The following ECE1 variants were observed in gnomAD, a reference collection of about 807,000 sequenced individuals.
The protein encoded by ECE1 is endothelin-converting enzyme 1.
A neutral mutation model predicts 98.6 loss-of-function variants in ECE1; 35 were observed. The observed-to-expected ratio is 0.35, with a 90% CI of 0.27 to 0.47. The LOEUF (loss-of-function observed/expected upper bound fraction) is 0.47. Among genes scored for constraint, ECE1 ranks in the 20% least tolerant of loss-of-function variants. ECE1 has a pLI of 1.00. For missense variants in ECE1, 814 were observed against 1,025.3 expected (o/e 0.79, Z 2.81); for synonymous variants, 394 against 407.1 (o/e 0.97, Z 0.39).
Position 21,345,336 on chromosome 1 carries a change from C to A in ECE1, c.3+40G>T. ...GCACCGCTGCCCGCGACCGTCGAGG[C>A]TGGGCTGGACCGGACCAGACCTCCG... On this transcript the variant is annotated intron_variant, in intron 1 of 18. Transcript: ENST00000415912. The surrounding 1 kb of genome is among the most constrained non-coding windows in gnomAD (Gnocchi z 5.1). The A allele has an allele frequency of 7.4e-7, 1 of 1,354,788 alleles. No individual in the cohort carries two copies. Among genetic ancestry groups the A allele is most frequent in the African/African-American group, 1.5e-5 (1 of 66,504 alleles). 83.9% of individuals were successfully genotyped at this position (1,354,788 alleles called of 1,614,324 possible). A position where few individuals can be genotyped will look rare whatever the true frequency, so the allele number is the denominator to read the frequency against.
chr1:21,304,041 C>T (rs1312503234), intron 1 of ECE1, among the ~76,000 whole-genome samples: 5 of 149,574 alleles, frequency 3.3e-5, no homozygotes, highest in African/African-American at 7.4e-5. Context: ...AAGGGCCGGG[C>T]GCAGTGGCTC....
intron 2 of ECE1, chr1:21,279,828 C>T: frequency 1.6e-6 from 1 of 614,202 alleles, no homozygotes; most frequent in Non-Finnish European, 2.1e-6. Context: ...ACACGCGAGC[C>T]ACCTTGTTAT....
chr1:21,251,749 C>A (rs944076658), intron 8 of ECE1, among the ~76,000 whole-genome samples: 2 of 152,168 alleles, frequency 1.3e-5, no homozygotes, highest in African/African-American at 4.8e-5. Context: ...GAGGAACCAG[C>A]TCTGGGACCT....
At chr1:21,265,498 C>A (rs2098232795) in intron 4 of ECE1, among the ~76,000 whole-genome samples, 1 of 152,202 alleles carries the variant, frequency 6.6e-6, no homozygotes, top group Admixed American at 6.5e-5. Context: ...CGCCACTGTA[C>A]TCCAGCCTGG....
rs192429647 is a variant in ECE1 at position 21,307,643 on chromosome 1, G to A, written c.4-17487C>T. Among the ~76,000 whole-genome samples the A allele has an allele frequency of 1.3e-3, 202 of 152,294 alleles. 1 individual carries two copies. Among genetic ancestry groups the A allele is most frequent in the African/African-American group, 4.6e-3 (193 of 41,560 alleles). Reference sequence around the variant, plus strand: ...ATTTGTCCCCACTGGGTCTGGGGCTGGGGCTTCTTTGTACCTCTGAGGTAC... The same window carrying A: ...ATTTGTCCCCACTGGGTCTGGGGCTAGGGCTTCTTTGTACCTCTGAGGTAC... On this transcript the variant is annotated intron_variant, in intron 1 of 18. Coordinates refer to the ECE1 transcript ENST00000415912. This position sits in a 1 kb window ranked among gnomAD's most constrained non-coding sequence, Gnocchi z 4.2.
intron 2 of ECE1, among the ~76,000 whole-genome samples, chr1:21,282,943 T>A (rs112522819): frequency 5.2e-4 from 76 of 147,088 alleles, no homozygotes; most frequent in East Asian, 2.0e-3. Flanking sequence ...CATTATTTTT[T>A]TTTTTTTTTT....
chr1:21,267,673 A>C (rs1368233331), intron 4 of ECE1, among the ~76,000 whole-genome samples: 2 of 152,194 alleles, frequency 1.3e-5, no homozygotes, highest in African/African-American at 4.8e-5. Context: ...ACAGACTAAG[A>C]ATCAATCAAT....
At chr1:21,248,986 C>A (rs1461344369) in intron 8 of ECE1, among the ~76,000 whole-genome samples, 1 of 152,086 alleles carries the variant, frequency 6.6e-6, no homozygotes, top group Non-Finnish European at 1.5e-5. Flanking sequence ...CCAGCTGGTG[C>A]TTTCCCCACG....
At chr1:21,222,196 A>G (rs552044997) in intron 17 of ECE1, 2 of 318,020 alleles carry the variant, frequency 6.3e-6, no homozygotes, top group East Asian at 1.5e-4. Context: ...ACATACACAC[A>G]ACTTTTCCCA....
rs749018165 is a variant in ECE1 at position 21,279,393 on chromosome 1, G to A, written c.139-61C>T. 3.1e-6 allele frequency: 5 copies of A among 1,613,092 alleles called. No individual in the cohort carries two copies. In the Admixed American group the frequency reaches 8.3e-5, roughly 27 times the overall value. On this transcript the variant is annotated intron_variant, in intron 2 of 18. Transcript: ENST00000374893. The stretch of plus-strand genomic sequence containing the variant: ...TGAGCCCCGGGCCCCGCTTCCCTTG[G>A]AGGAAGGGGTTCCGCTGCAGGCCCA...
chr1:21,292,979 G>A (rs942316147), upstream of ECE1, among the ~76,000 whole-genome samples: 3 of 152,154 alleles, frequency 2.0e-5, no homozygotes, highest in Admixed American at 6.5e-5. Flanking sequence ...GTTACACTAC[G>A]TTACCAGGTG....
intron 1 of ECE1, among the ~76,000 whole-genome samples, chr1:21,314,462 T>G (rs181518638): frequency 6.6e-6 from 1 of 152,272 alleles, no homozygotes; most frequent in Admixed American, 6.5e-5. Flanking sequence ...AGGAACAACT[T>G]TTCTTTTCTT....
Position 21,233,710 on chromosome 1 carries a change from C to T in ECE1, c.1567-49G>A. On this transcript the variant is annotated intron_variant, in intron 13 of 18. Transcript: ENST00000374893. The surrounding 1 kb of genome is among the most constrained non-coding windows in gnomAD (Gnocchi z 4.0). ...ATCACAGTGTGCCCTCGGTGGTGTG[C>T]ATCTTCCAAGACAGGAAGCCAAGGG... The T allele has an allele frequency of 6.4e-7, 1 of 1,565,328 alleles. No homozygotes were observed. The highest frequency in any genetic ancestry group is 8.8e-7 in the Non-Finnish European group (1 of 1,138,166).
intron 14 of ECE1, among the ~76,000 whole-genome samples, chr1:21,229,188 T>C (rs1027242008): frequency 6.6e-6 from 1 of 152,054 alleles, no homozygotes; most frequent in Non-Finnish European, 1.5e-5. Context: ...AGACTTTTTT[T>C]TTTTTCTTTT....
intron 2 of ECE1, among the ~76,000 whole-genome samples, chr1:21,283,900 A>G (rs749076125): frequency 1.7e-4 from 26 of 152,222 alleles, no homozygotes; most frequent in Non-Finnish European, 3.2e-4. Context: ...GACTTGTACT[A>G]TCGGCTACGG....
intron 10 of ECE1, among the ~76,000 whole-genome samples, chr1:21,242,559 G>A (rs1055144091): frequency 6.6e-6 from 1 of 152,150 alleles, no homozygotes; most frequent in African/African-American, 2.4e-5. Flanking sequence ...TTGGGGAGTG[G>A]GGAGGGCTGG....
intron 8 of ECE1, among the ~76,000 whole-genome samples, chr1:21,247,696 C>T (rs887229625): frequency 7.2e-5 from 11 of 152,140 alleles, no homozygotes; most frequent in Middle Eastern, 3.2e-3. Context: ...GGTCCTCACG[C>T]GAGTCCAAGC....
chr1:21,227,258 G>A, intron 15 of ECE1, 32 bp from the exon 16 acceptor site: 1 of 1,603,596 alleles, frequency 6.2e-7, no homozygotes, highest in Non-Finnish European at 8.5e-7. Flanking sequence ...TAGAGATGAT[G>A]CTTTGAGAGG....
At chr1:21,309,782 CTT>C (rs1223419250) in intron 1 of ECE1, among the ~76,000 whole-genome samples, 30 of 130,092 alleles carry the variant, frequency 2.3e-4, no homozygotes, top group South Asian at 9.7e-4. Flanking sequence ...TTTTTTCTTT[CTT>C]TTTTTTTTTT....
Sources: allele counts gnomAD v4.1 joint callset (sites outside exome capture counted in the v4.1 genomes callset), GRCh38; gene constraint gnomAD v4.1.1; non-coding constraint Gnocchi (gnomAD v3.1); transcripts MANE v1.5; gene names NCBI Gene and HGNC (gene_info 2026-07-23, HGNC 2026-07-21).